The following GRM5 variants were observed in gnomAD, a reference collection of about 807,000 sequenced individuals.
GRM5 encodes glutamate metabotropic receptor 5, also known as metabotropic glutamate receptor 5.
GRM5 carries 19 observed loss-of-function variants against 83.1 expected under a neutral mutation model. That is an observed-to-expected ratio of 0.23 (90% CI 0.16 to 0.34). The LOEUF (loss-of-function observed/expected upper bound fraction) is 0.34. Among genes scored for constraint, GRM5 ranks in the 10% least tolerant of loss-of-function variants. The probability of loss-of-function intolerance (pLI) is 1.00; values close to 1 mark genes in which losing one functional copy is unlikely to be tolerated. For synonymous variants in GRM5, 675 were observed against 633.6 expected (o/e 1.07, Z -0.98); for missense variants, 1,160 against 1,588.3 (o/e 0.73, Z 4.58).
At chr11:88,772,675 C>A (rs139010960) in intron 3 of GRM5, among the ~76,000 whole-genome samples, 216 of 152,208 alleles carry the variant, frequency 1.4e-3, no homozygotes, top group African/African-American at 4.9e-3. Flanking sequence ...GTTCAATTCC[C>A]ACCTATGAGT....
chr11:88,520,512 G>A (rs1364117290), intron 9 of GRM5, among the ~76,000 whole-genome samples: 2 of 152,222 alleles, frequency 1.3e-5, no homozygotes, highest in East Asian at 3.9e-4. Flanking sequence ...TAAGAAATGG[G>A]CACTTAATCT....
intron 2 of GRM5, among the ~76,000 whole-genome samples, chr11:89,040,561 C>T (rs1211017800): frequency 7.9e-5 from 12 of 152,066 alleles, no homozygotes. Flanking sequence ...ATTATTCACA[C>T]GTGGTCACAT....
intron 4 of GRM5, among the ~76,000 whole-genome samples, chr11:88,624,342 G>C (rs1477840635): frequency 6.6e-6 from 1 of 152,118 alleles, no homozygotes; most frequent in Non-Finnish European, 1.5e-5. Flanking sequence ...TGTAGAGAAA[G>C]AATCACCAGA....
chr11:88,994,350 A>G (rs1940097244), intron 2 of GRM5, among the ~76,000 whole-genome samples: 1 of 151,402 alleles, frequency 6.6e-6, no homozygotes, highest in Non-Finnish European at 1.5e-5. Flanking sequence ...CAAAATTCCA[A>G]TAGCATTTTT....
intron 2 of GRM5, among the ~76,000 whole-genome samples, chr11:88,893,164 A>G (rs1945176998): frequency 6.6e-6 from 1 of 151,928 alleles, no homozygotes; most frequent in Non-Finnish European, 1.5e-5. Context: ...AAGAAAAGAA[A>G]AAAGAAGTAT....
chr11:88,824,201 T>C (rs1339296918), intron 3 of GRM5, among the ~76,000 whole-genome samples: 1 of 152,200 alleles, frequency 6.6e-6, no homozygotes, highest in Non-Finnish European at 1.5e-5. Flanking sequence ...TGAAATTAAA[T>C]GTCAGTGTTC....
intron 7 of GRM5, among the ~76,000 whole-genome samples, chr11:88,585,068 G>A (rs1943286429): frequency 6.6e-6 from 1 of 152,162 alleles, no homozygotes; most frequent in African/African-American, 2.4e-5. Flanking sequence ...CTTAGACCTG[G>A]AGGGAAGGAG....
chr11:88,644,687 G>A (rs549546840), intron 4 of GRM5, among the ~76,000 whole-genome samples: 1 of 152,058 alleles, frequency 6.6e-6, no homozygotes, highest in Non-Finnish European at 1.5e-5. Flanking sequence ...TCTGTCCAAG[G>A]GTAGAATTTT....
intron 3 of GRM5, among the ~76,000 whole-genome samples, chr11:88,763,193 G>A (rs1479675458): frequency 1.3e-4 from 19 of 151,694 alleles, no homozygotes; most frequent in Admixed American, 1.3e-3. Flanking sequence ...AAAAGTGAGG[G>A]AGATATTAAG....
intron 8 of GRM5, among the ~76,000 whole-genome samples, chr11:88,552,637 G>A (rs1942534606): frequency 1.3e-5 from 2 of 152,124 alleles, no homozygotes; most frequent in Non-Finnish European, 2.9e-5. Context: ...GGACCTGGTC[G>A]ACTGACTGCT....
intron 3 of GRM5, among the ~76,000 whole-genome samples, chr11:88,701,882 T>A (rs142640043): frequency 1.5e-4 from 23 of 152,258 alleles, no homozygotes; most frequent in Admixed American, 2.0e-4. Context: ...TTACATGACT[T>A]AACTCTTGTC....
At chr11:88,934,104 C>A (rs1013959199) in intron 2 of GRM5, among the ~76,000 whole-genome samples, 1 of 151,714 alleles carries the variant, frequency 6.6e-6, no homozygotes, top group African/African-American at 2.4e-5. Context: ...TTTCACACTG[C>A]CACACAACTC....
intron 6 of GRM5, among the ~76,000 whole-genome samples, chr11:88,596,049 AC>A (rs1937795823): frequency 6.6e-6 from 1 of 152,134 alleles, no homozygotes; most frequent in Non-Finnish European, 1.5e-5. Context: ...CTATTTTAAA[AC>A]CAACATGCCC....
chr11:88,766,511 A>C (rs1942627111), intron 3 of GRM5, among the ~76,000 whole-genome samples: 2 of 151,496 alleles, frequency 1.3e-5, no homozygotes, highest in Admixed American at 1.3e-4. Context: ...TATGCAGAAG[A>C]TTGAAACTAG....
intron 4 of GRM5, among the ~76,000 whole-genome samples, chr11:88,631,530 T>C (rs1429334008): frequency 1.3e-5 from 2 of 152,224 alleles, no homozygotes; most frequent in Non-Finnish European, 2.9e-5. Flanking sequence ...CATGCCATTT[T>C]ATCCCCATCA....
intron 5 of GRM5, among the ~76,000 whole-genome samples, chr11:88,598,068 C>A (rs975855810): frequency 2.6e-4 from 40 of 152,188 alleles, no homozygotes; most frequent in Admixed American, 2.5e-3. Context: ...AGAAGAATCT[C>A]TGAAATAATT....
At chr11:88,680,115 T>A (rs557772045) in intron 3 of GRM5, among the ~76,000 whole-genome samples, 1 of 152,166 alleles carries the variant, frequency 6.6e-6, no homozygotes, top group Admixed American at 6.5e-5. Context: ...AGTTCTAGGG[T>A]ACATGTGCAC....
chr11:88,977,195 TTTATA>T (rs1939371150), intron 2 of GRM5, among the ~76,000 whole-genome samples: 2 of 150,232 alleles, frequency 1.3e-5, no homozygotes, highest in Admixed American at 6.6e-5. Context: ...CTATTTTTAT[TTTATA>T]TTATATTATT....
intron 7 of GRM5, among the ~76,000 whole-genome samples, chr11:88,568,575 T>C (rs1262415017): frequency 6.6e-6 from 1 of 152,178 alleles, no homozygotes; most frequent in African/African-American, 2.4e-5. Flanking sequence ...GAAGTTATTC[T>C]AAGGATCTTT....
Sources: allele counts gnomAD v4.1 joint callset (sites outside exome capture counted in the v4.1 genomes callset), GRCh38; gene constraint gnomAD v4.1.1; transcripts MANE v1.5; gene names NCBI Gene and HGNC (gene_info 2026-07-23, HGNC 2026-07-21).